The following ZNRF3 variants were observed in gnomAD, a reference collection of about 807,000 sequenced individuals.
The protein encoded by ZNRF3 is E3 ubiquitin-protein ligase ZNRF3.
Under a neutral mutation model 72.5 loss-of-function variants are expected in ZNRF3, and 23 were observed. The ratio of observed to expected loss-of-function variants is 0.32; its 90% CI spans 0.23 to 0.45. ZNRF3 has a LOEUF of 0.45. Among genes scored for constraint, ZNRF3 ranks in the 20% least tolerant of loss-of-function variants. The probability of loss-of-function intolerance (pLI) is 1.00; values close to 1 mark genes in which losing one functional copy is unlikely to be tolerated. For synonymous variants in ZNRF3, 610 were observed against 545.3 expected (o/e 1.12, Z -1.65); for missense variants, 1,169 against 1,272.1 (o/e 0.92, Z 1.23).
At chr22:28,904,834 C>T (rs754932727) in intron 1 of ZNRF3, among the ~76,000 whole-genome samples, 4 of 151,992 alleles carry the variant, frequency 2.6e-5, no homozygotes, top group Non-Finnish European at 5.9e-5. Flanking sequence ...CATCCCTTGA[C>T]TTTCTTCAGG....
chr22:29,023,313 C>G (rs942633435), intron 2 of ZNRF3, among the ~76,000 whole-genome samples: 8 of 152,172 alleles, frequency 5.3e-5, no homozygotes, highest in East Asian at 1.9e-4. Context: ...CACCCTCCCC[C>G]GCTGCCAGCA....
At chr22:28,994,398 T>C (rs1049127851) in intron 2 of ZNRF3, among the ~76,000 whole-genome samples, 1 of 151,608 alleles carries the variant, frequency 6.6e-6, no homozygotes, top group African/African-American at 2.4e-5. Flanking sequence ...GGTTTCTCCA[T>C]GGTGGTCGGG....
intron 2 of ZNRF3, among the ~76,000 whole-genome samples, chr22:29,000,384 G>A (rs1048825082): frequency 1.3e-5 from 2 of 152,138 alleles, no homozygotes; most frequent in African/African-American, 4.8e-5. Context: ...AATATGCTAG[G>A]AATTTTTGTT....
rs140669309 is a variant in ZNRF3, at chr22:29,044,304, C to T, written c.634-476C>T. On this transcript the variant is annotated intron_variant, in intron 4 of 8. Coordinates refer to ENST00000544604, the MANE Select transcript of ZNRF3 (RefSeq NM_001206998.2). ...TTCTTTTTAAAGGGAAAAAAAAAAG[C>T]GCTTTGGTAAATATGACTCATTGTA... 2.3e-3 allele frequency among the ~76,000 whole-genome samples: 345 copies of T among 152,118 alleles called. 3 individuals are homozygous for T. Among genetic ancestry groups the T allele is most frequent in the Middle Eastern group, 6.8e-3 (2 of 294 alleles).
chr22:28,929,246 T>C (rs2034662769), intron 1 of ZNRF3, among the ~76,000 whole-genome samples: 1 of 152,252 alleles, frequency 6.6e-6, no homozygotes, highest in Admixed American at 6.5e-5. Context: ...GCTGACTTTA[T>C]TGATGATATA....
chr22:29,042,370 C>A, intron 2 of ZNRF3, 125 bp from the exon 3 acceptor site: 1 of 693,160 alleles, frequency 1.4e-6, no homozygotes, highest in Non-Finnish European at 2.5e-6. Flanking sequence ...GAAGTAACAT[C>A]CCTGAAGTCA....
intron 5 of ZNRF3, among the ~76,000 whole-genome samples, chr22:29,045,404 G>C (rs2037049734): frequency 1.3e-5 from 2 of 151,220 alleles, no homozygotes; most frequent in East Asian, 3.9e-4. Context: ...ACAGCCCAGT[G>C]CCTTCTCTGT....
intron 2 of ZNRF3, among the ~76,000 whole-genome samples, chr22:29,014,666 A>G (rs1015883899): frequency 2.6e-5 from 4 of 152,234 alleles, no homozygotes; most frequent in Non-Finnish European, 5.9e-5. Flanking sequence ...CCTGTATCCC[A>G]GGCAGTGTGC....
intron 8 of ZNRF3, among the ~76,000 whole-genome samples, chr22:29,051,163 C>G (rs2037198869): frequency 1.3e-5 from 2 of 152,164 alleles, no homozygotes; most frequent in Admixed American, 1.3e-4. Flanking sequence ...GATCTCTCCC[C>G]AAGATGCCTG....
At chr22:28,978,282 G>C (rs1274356071) in intron 1 of ZNRF3, among the ~76,000 whole-genome samples, 1 of 152,148 alleles carries the variant, frequency 6.6e-6, no homozygotes, top group African/African-American at 2.4e-5. Flanking sequence ...AATCACCCTG[G>C]TTATTGTGTC....
At chr22:29,019,681 T>C (rs755164612) in intron 2 of ZNRF3, among the ~76,000 whole-genome samples, 1 of 152,162 alleles carries the variant, frequency 6.6e-6, no homozygotes, top group Non-Finnish European at 1.5e-5. Context: ...CAATCATTAA[T>C]TGGCACCTAC....
intron 1 of ZNRF3, among the ~76,000 whole-genome samples, chr22:28,887,645 C>T (rs1001126815): frequency 2.0e-5 from 3 of 152,014 alleles, no homozygotes; most frequent in Non-Finnish European, 2.9e-5. Context: ...TGTATTTATG[C>T]AGTATTAAAG....
intron 1 of ZNRF3, among the ~76,000 whole-genome samples, chr22:28,902,404 A>G (rs2034125309): frequency 6.7e-6 from 1 of 149,898 alleles, no homozygotes; most frequent in Non-Finnish European, 1.5e-5. Flanking sequence ...TTTTTTTGAG[A>G]TGGGATCTCA....
rs144451915 is a variant in ZNRF3, at chr22:28,999,039, C to T, written c.426+11838C>T. Among the ~76,000 whole-genome samples, 1,321 of 151,964 alleles carry T rather than the reference C, an allele frequency of 8.7e-3. 25 individuals carry two copies. Among genetic ancestry groups the T allele is most frequent in the African/African-American group, 0.031 (1,269 of 41,446 alleles). On this transcript the variant is annotated intron_variant, in intron 2 of 8. Coordinates refer to ENST00000544604, the MANE Select transcript of ZNRF3 (RefSeq NM_001206998.2). ...GCCCATCAAAAATAGCTACTGAAGC[C>T]GGGTGCGGTGGCTCATGCCTGTAAT...
At chr22:28,940,156 C>T (rs566171903) in intron 1 of ZNRF3, among the ~76,000 whole-genome samples, 9 of 152,206 alleles carry the variant, frequency 5.9e-5, no homozygotes, top group East Asian at 1.9e-4. Context: ...CTTTCCTGCT[C>T]GTGCTTAGAG....
intron 8 of ZNRF3, among the ~76,000 whole-genome samples, chr22:29,052,417 G>A (rs1032641501): frequency 2.6e-5 from 4 of 152,152 alleles, no homozygotes; most frequent in African/African-American, 7.2e-5. Flanking sequence ...AATGTTGGCC[G>A]GGTGCGGTGA....
chr22:28,975,162 T>C (rs1296265240), intron 1 of ZNRF3, among the ~76,000 whole-genome samples: 1 of 152,208 alleles, frequency 6.6e-6, no homozygotes, highest in Non-Finnish European at 1.5e-5. Context: ...CTTACGCCTG[T>C]AATCCTAGCA....
intron 2 of ZNRF3, among the ~76,000 whole-genome samples, chr22:29,006,187 G>A (rs1316109740): frequency 6.7e-6 from 1 of 149,562 alleles, no homozygotes; most frequent in Non-Finnish European, 1.5e-5. Context: ...AGTATTACCA[G>A]TGATCAAGGT....
chr22:29,024,743 G>A (rs937813550), intron 2 of ZNRF3, among the ~76,000 whole-genome samples: 3 of 152,046 alleles, frequency 2.0e-5, no homozygotes, highest in African/African-American at 7.2e-5. Flanking sequence ...CATTGCCACA[G>A]GACTGGGCCT....
Sources: gnomAD v4.1 joint callset for allele counts (sites outside exome capture counted in the v4.1 genomes callset) on GRCh38, gnomAD v4.1.1 for gene constraint, MANE v1.5 for transcripts, NCBI Gene and HGNC (gene_info 2026-07-23, HGNC 2026-07-21) for gene names.